ZNF541: variants seen among roughly 807,000 people sequenced by gnomAD.
The protein encoded by ZNF541 is zinc finger protein 541.
Under a neutral mutation model 123.5 loss-of-function variants are expected in ZNF541, and 23 were observed. The ratio of observed to expected loss-of-function variants is 0.19; its 90% confidence interval spans 0.13 to 0.26. The LOEUF is 0.26. ZNF541 is among the 10% of genes least tolerant of loss of function. The probability of loss-of-function intolerance (pLI) is 1.00; values close to 1 mark genes in which losing one functional copy is unlikely to be tolerated. For missense variants in ZNF541, 1,612 were observed against 1,789.9 expected (o/e 0.90, Z 1.79); for synonymous variants, 751 against 754.5 (o/e 1.00, Z 0.08).
At chr19:47,573,192 C>T (rs868357665), upstream of ZNF541, among the ~76,000 whole-genome samples, 2 of 150,162 alleles carry the variant, frequency 1.3e-5, no homozygotes, top group South Asian at 2.1e-4. Context: ...CCCGGCCCAC[C>T]CCCGGATCTC....
intron 2 of ZNF541, among the ~76,000 whole-genome samples, chr19:47,566,914 G>C (rs762041818): frequency 6.8e-5 from 10 of 146,254 alleles, no homozygotes; most frequent in Non-Finnish European, 1.1e-4. Context: ...AGCCAGGCGT[G>C]GTGGCGGGTG....
In ZNF541 at chr19:47,544,353, A is replaced by C; in HGVS notation, c.2176T>G (p.Ser726Ala). 1 of 1,551,534 alleles carries C rather than the reference A, an allele frequency of 6.4e-7. No homozygotes were observed. The highest frequency in any genetic ancestry group is 8.7e-7 in the Non-Finnish European group (1 of 1,146,978). The change falls in exon 5 of 17, where the codon TCA becomes GCA. Residue 726 changes from serine (S) to alanine (A), a missense_variant. Ser to Ala is a moderately conservative substitution (Grantham distance 99). This residue lies in a region of ZNF541 where 1,080 missense variants were observed against 1,013.8 expected (regional missense o/e 1.07). Coordinates refer to ENST00000391901, the MANE Select transcript of ZNF541 (RefSeq NM_001277075.3). ...CCCTTTTCACCTTTTGTGATCCTTG[A>C]AGCCGCGCCATTCTCGGCTGGGGCC... ...KQAPAENGAA[S>A]RITKGEKGPA...
chr19:47,533,193 A>T (rs1969656358), intron 9 of ZNF541, among the ~76,000 whole-genome samples: 1 of 150,964 alleles, frequency 6.6e-6, no homozygotes, highest in Admixed American at 6.6e-5. Context: ...ACACAGTGAA[A>T]CCCTGTTCCT....
chr19:47,551,492 C>T (rs2123237713), intron 3 of ZNF541, among the ~76,000 whole-genome samples: 1 of 152,136 alleles, frequency 6.6e-6, no homozygotes, highest in South Asian at 2.1e-4. Context: ...CTGACTCAGC[C>T]TCCCAAGCAG....
rs1365495391 is a variant in ZNF541, at chr19:47,544,863, G to C, written c.1666C>G (p.Gln556Glu). The stretch of plus-strand genomic sequence containing the variant: ...GACTTGGTGATCATCTGGAACACCT[G>C]CATCTGCTCGTGGCTCACAAGAGGT... ...QEPLVSHEQM[Q>E]VFQMITKSQR... Residue 556 changes from glutamine to glutamate, a missense_variant, in exon 5 of 17, where the codon CAG becomes GAG. Gln to Glu is a conservative substitution (Grantham distance 29). Coordinates refer to ENST00000391901, the MANE Select transcript of ZNF541 (RefSeq NM_001277075.3). The C allele has an allele frequency of 2.6e-6, 4 of 1,536,068 alleles. No homozygotes were observed. The highest frequency in any genetic ancestry group is 2.6e-6 in the Non-Finnish European group (3 of 1,146,808).
intron 4 of ZNF541, among the ~76,000 whole-genome samples, chr19:47,546,206 T>C: frequency 8.0e-6 from 1 of 125,726 alleles, no homozygotes; most frequent in South Asian, 2.6e-4. Context: ...TACAGAAAAG[T>C]AAAAAAAAAA....
rs1193905106 is a variant in ZNF541, at chr19:47,544,342, T to C, written c.2187A>G (p.Thr729=). ...PAENGAASRI[T]KGEKGPACSR... ...AGCAGGCTGGGCCCTTTTCACCTTT[T>C]GTGATCCTTGAAGCCGCGCCATTCT... Residue 729 remains threonine, a synonymous_variant, in exon 5 of 17, where the codon ACA becomes ACG. Transcript: ENST00000391901. 3 of 1,551,534 alleles carry C rather than the reference T, an allele frequency of 1.9e-6. No homozygotes were observed. Among genetic ancestry groups the C allele is most frequent in the Non-Finnish European group, 1.7e-6 (2 of 1,147,010 alleles).
In ZNF541 at chr19:47,545,994, C is replaced by G; in HGVS notation, c.549-14G>C. 1 of 1,447,174 alleles carries G rather than the reference C, an allele frequency of 6.9e-7. No homozygotes were observed. The highest frequency in any genetic ancestry group is 9.1e-7 in the Non-Finnish European group (1 of 1,093,710). The allele number at this position is 1,447,174 out of a possible 1,614,324, so 89.6% of individuals were successfully genotyped here. On this transcript the variant is annotated splice_polypyrimidine_tract_variant and intron_variant, in intron 4 of 16. Transcript: ENST00000391901. The surrounding 1 kb of genome is among the most constrained non-coding windows in gnomAD (Gnocchi z 7.5). The stretch of plus-strand genomic sequence containing the variant: ...ATGTGCCCGGTCCTGGAGCCAGACA[C>G]AAGCAGGGGCGTCACCGGGGCACCT...
At chr19:47,563,595 A>C (rs989700565) in intron 2 of ZNF541, among the ~76,000 whole-genome samples, 2 of 152,160 alleles carry the variant, frequency 1.3e-5, no homozygotes, top group Admixed American at 1.3e-4. Context: ...TAATAAAAAC[A>C]AGTGAATAAA....
At chr19:47,552,164 A>G (rs1233738325) in intron 3 of ZNF541, among the ~76,000 whole-genome samples, 2 of 152,282 alleles carry the variant, frequency 1.3e-5, no homozygotes, top group East Asian at 3.9e-4. Flanking sequence ...CCCAGCCAAG[A>G]TGGCAAGTTT....
chr19:47,524,019 C>G (rs1159473214), intron 14 of ZNF541, among the ~76,000 whole-genome samples: 1 of 152,140 alleles, frequency 6.6e-6, no homozygotes, highest in Non-Finnish European at 1.5e-5. Context: ...GAAGAGTGCC[C>G]GTTCCCACAG....
Position 47,545,839 on chromosome 19 carries a change from G to C in ZNF541, c.690C>G (p.Pro230=), listed in dbSNP as rs1174484015. ...HHGLCILKEA[P]PEEEACGDSP... The stretch of plus-strand genomic sequence containing the variant: ...AGTCCCCGCAGGCCTCTTCCTCCGG[G>C]GGGGCTTCCTTCAGGATGCACAGGC... The change falls in exon 5 of 17, where the codon CCC becomes CCG. Residue 230 remains proline, a synonymous_variant. Coordinates refer to ENST00000391901, the MANE Select transcript of ZNF541 (RefSeq NM_001277075.3). This position sits in a 1 kb window ranked among gnomAD's most constrained non-coding sequence, Gnocchi z 7.5. 2 of 1,549,220 alleles carry C rather than the reference G, an allele frequency of 1.3e-6. No homozygotes were observed. The highest frequency in any genetic ancestry group is 2.4e-5 in the South Asian group (2 of 83,992).
rs1244552882 is a variant in ZNF541 at position 47,564,678 on chromosome 19, G to A, written c.-99+7218C>T. Among the ~76,000 whole-genome samples the A allele has an allele frequency of 2.6e-5, 4 of 152,134 alleles. No individual in the cohort carries two copies. In the East Asian group the frequency reaches 5.8e-4, roughly 22 times the overall value. On this transcript the variant is annotated intron_variant, in intron 2 of 16. Coordinates refer to ENST00000391901, the MANE Select transcript of ZNF541 (RefSeq NM_001277075.3). ...AAATAACAGATGTTGGCATGGATGC[G>A]GTGAACAAGAAACCTTTCTACACTG...
At chr19:47,557,434 C>T (rs935567291) in intron 2 of ZNF541, among the ~76,000 whole-genome samples, 3 of 152,038 alleles carry the variant, frequency 2.0e-5, no homozygotes, top group African/African-American at 7.2e-5. Flanking sequence ...ATGACAATTA[C>T]CCTGATGGCA....
chr19:47,539,637 T>A, intron 8 of ZNF541, 68 bp downstream of exon 8: 1 of 1,366,350 alleles, frequency 7.3e-7, no homozygotes, highest in South Asian at 1.9e-5. Context: ...CTGGTTTGGG[T>A]TTTTCCTACG....
intron 14 of ZNF541, among the ~76,000 whole-genome samples, chr19:47,524,782 T>G (rs769998131): frequency 6.6e-6 from 1 of 150,694 alleles, no homozygotes; most frequent in Non-Finnish European, 1.5e-5. Context: ...CTACTCAAAG[T>G]TGGAGGATCA....
intron 9 of ZNF541, 125 bp from the exon 10 acceptor site, chr19:47,533,097 A>C: frequency 1.3e-6 from 1 of 766,728 alleles, no homozygotes; most frequent in South Asian, 1.9e-5. Context: ...GGCCGGGCAC[A>C]GTGGTTCACG....
At chr19:47,523,522 C>T (rs1024612196) in intron 14 of ZNF541, among the ~76,000 whole-genome samples, 3 of 152,026 alleles carry the variant, frequency 2.0e-5, no homozygotes, top group Admixed American at 6.6e-5. Context: ...AGAGACATCA[C>T]TAAGTTTAAA....
At chr19:47,572,850 G>C (rs1362546155) in intron 1 of ZNF541, among the ~76,000 whole-genome samples, 1 of 152,120 alleles carries the variant, frequency 6.6e-6, no homozygotes. Context: ...GGGCCTGTGG[G>C]GTGCAGCGGG....
Sources: gnomAD v4.1 joint callset for allele counts (sites outside exome capture counted in the v4.1 genomes callset) on GRCh38, gnomAD v4.1.1 for gene constraint, gnomAD v4.1.1 regional missense constraint, Gnocchi (gnomAD v3.1) non-coding constraint, MANE v1.5 for transcripts, NCBI Gene and HGNC (gene_info 2026-07-23, HGNC 2026-07-21) for gene names.